Variants in LRRC27 observed in about 807,000 individuals in gnomAD.
LRRC27 encodes the protein leucine-rich repeat-containing protein 27.
A neutral mutation model predicts 55.0 loss-of-function variants in LRRC27; 57 were observed. The observed-to-expected ratio is 1.04, with a 90% CI of 0.84 to 1.29. LRRC27 has a LOEUF of 1.29. LRRC27 is among the 50% of genes most tolerant of loss of function. LRRC27 has a pLI of 0.00. For synonymous variants in LRRC27, 278 were observed against 251.9 expected, an observed-to-expected ratio of 1.10 and a Z score of -0.98; for missense variants, 721 against 651.5, an observed-to-expected ratio of 1.11 and a Z score of -1.16.
At chr10:132,342,541 C>A (rs2748395) in intron 4 of LRRC27, among the ~76,000 whole-genome samples, 1 of 152,134 alleles carries the variant, frequency 6.6e-6, no homozygotes, top group African/African-American at 2.4e-5. Flanking sequence ...CTGAAGGCCC[C>A]GCACACACCT....
chr10:132,351,518 C>T, intron 6 of LRRC27, 89 bp from the exon 7 acceptor site: 2 of 1,435,674 alleles, frequency 1.4e-6, no homozygotes, highest in Non-Finnish European at 1.9e-6. Context: ...GGATGATCCA[C>T]AGGCCCTCCT....
chr10:132,355,533 G>T (rs779272503), intron 7 of LRRC27, among the ~76,000 whole-genome samples: 15 of 152,188 alleles, frequency 9.9e-5, no homozygotes, highest in Non-Finnish European at 1.8e-4. Context: ...CACTGGGTCG[G>T]GTTGGCCCCC....
chr10:132,363,889 T>G (rs2068768550), intron 9 of LRRC27, among the ~76,000 whole-genome samples: 1 of 152,064 alleles, frequency 6.6e-6, no homozygotes, highest in Non-Finnish European at 1.5e-5. Context: ...AGGCTGACAG[T>G]GTTTAGGGAA....
intron 2 of LRRC27, chr10:132,335,052 A>G (rs922351873): frequency 6.6e-6 from 1 of 152,246 alleles, no homozygotes; most frequent in Non-Finnish European, 1.5e-5. Flanking sequence ...ACCTAATAGG[A>G]AAGATGGAAT....
intron 5 of LRRC27, chr10:132,344,875 T>C (rs1317608355): frequency 2.3e-6 from 1 of 432,068 alleles, no homozygotes; most frequent in African/African-American, 1.9e-5. Flanking sequence ...CTGGCTCAAG[T>C]GGATTTTGGT....
chr10:132,365,229 C>T (rs1590724988), intron 9 of LRRC27, among the ~76,000 whole-genome samples, 195 bp from the exon 10 acceptor site: 2 of 152,168 alleles, frequency 1.3e-5, no homozygotes, highest in East Asian at 3.9e-4. Flanking sequence ...GGCCCCCCGG[C>T]GTGAGTCTGG....
chr10:132,349,913 T>C (rs372357759), intron 6 of LRRC27, among the ~76,000 whole-genome samples: 8 of 152,168 alleles, frequency 5.3e-5, no homozygotes, highest in African/African-American at 1.9e-4. Flanking sequence ...TCACATGCAT[T>C]ATCAGGGCCT....
At position 132,354,435 on chromosome 10, in the gene LRRC27, G is replaced by A. The variant is rs535759176; in HGVS notation, c.1074-1355G>A. ...TAAGTGGAGGCCCTCGTCCAGGAGC[G>A]CAGCGGGGCCAGCACCACACATGGT... On this transcript the variant is annotated intron_variant, in intron 7 of 10. Transcript: ENST00000368614. Among the ~76,000 whole-genome samples the A allele has an allele frequency of 1.6e-3, 241 of 152,288 alleles. 1 individual carries two copies. Among genetic ancestry groups the A allele is most frequent in the Middle Eastern group, 3.4e-3 (1 of 294 alleles).
At chr10:132,352,684 A>C (rs74161790) in intron 7 of LRRC27, among the ~76,000 whole-genome samples, 1 of 115,120 alleles carries the variant, frequency 8.7e-6, no homozygotes, top group African/African-American at 3.5e-5. Flanking sequence ...TGAGGCCTCC[A>C]TGTGGGGCAG....
chr10:132,331,888 C>T (rs368172958), upstream of LRRC27: 6 of 1,059,226 alleles, frequency 5.7e-6, no homozygotes, highest in Non-Finnish European at 8.0e-6. Context: ...CGCACCACCC[C>T]CTGCCACCCC....
chr10:132,350,623 G>A (rs796353588), intron 6 of LRRC27: 62 of 152,720 alleles, frequency 4.1e-4, no homozygotes, highest in African/African-American at 1.4e-3. Flanking sequence ...AGCGTGGGGG[G>A]GCGGGCCAGC....
Position 132,374,979 on chromosome 10 carries a change from C to A in LRRC27, c.1417-87C>A. The A allele has an allele frequency of 1.4e-6, 2 of 1,391,314 alleles. No individual in the cohort carries two copies. The highest frequency in any genetic ancestry group is 2.0e-6 in the Non-Finnish European group (2 of 1,014,692). 86.2% of individuals were successfully genotyped at this position (1,391,314 alleles called of 1,614,324 possible). A position where few individuals can be genotyped will look rare whatever the true frequency, so the allele number is the denominator to read the frequency against. Reference sequence around the variant, plus strand: ...TCTGCTGACGCCCACATGGCCTGGGCCCCACGTGGAATCTGAGCCAGAGAC... The same window carrying A: ...TCTGCTGACGCCCACATGGCCTGGGACCCACGTGGAATCTGAGCCAGAGAC... On this transcript the variant is annotated intron_variant, in intron 10 of 10. Transcript: ENST00000368614. This position sits in a 1 kb window ranked among gnomAD's most constrained non-coding sequence, Gnocchi z 4.4.
In LRRC27 at chr10:132,337,622, C is replaced by T. The variant is rs1417198470; in HGVS notation, c.268C>T (p.Leu90Phe). 6 of 1,614,174 alleles carry T rather than the reference C, an allele frequency of 3.7e-6. No individual in the cohort carries two copies. The highest frequency in any genetic ancestry group is 5.1e-6 in the Non-Finnish European group (6 of 1,180,020). The change falls in exon 3 of 11, where the codon CTT becomes TTT. Residue 90 changes from leucine (L) to phenylalanine (F), a missense_variant. Leu to Phe is a conservative substitution (Grantham distance 22). Coordinates refer to ENST00000368614, the MANE Select transcript of LRRC27 (RefSeq NM_030626.3). ...GATTCCTCAAGATTTCTTTCAGTTGCTTCCGAACCTGACTTGGCTGGACCT... is the reference window on the plus strand; with the variant it reads ...GATTCCTCAAGATTTCTTTCAGTTGTTTCCGAACCTGACTTGGCTGGACCT... ...CVIPQDFFQL[L>F]PNLTWLDLRY...
chr10:132,336,615 C>G (rs143099985), intron 2 of LRRC27: 1 of 618,260 alleles, frequency 1.6e-6, no homozygotes, highest in Non-Finnish European at 2.9e-6. Flanking sequence ...AGCCAATCCA[C>G]GCACTGTTCT....
Position 132,361,508 on chromosome 10 carries a change from C to T in LRRC27, c.1222C>T (p.Pro408Ser), listed in dbSNP as rs763258413. 5.6e-6 allele frequency: 9 copies of T among 1,613,932 alleles called. No individual in the cohort carries two copies. In the South Asian group the frequency reaches 8.8e-5, roughly 16 times the overall value. The change falls in exon 9 of 11, where the codon CCA becomes TCA. Residue 408 changes from proline to serine, a missense_variant. Transcript: ENST00000368614. ...ATDLIDNRKVPLNPPGKMKPS... is the reference protein window; with the variant it reads ...ATDLIDNRKVSLNPPGKMKPS... The stretch of plus-strand genomic sequence containing the variant: ...AGATCTGATAGATAACAGGAAAGTA[C>T]CACTGAATCCGCCTGGAAAAATGAA...
At chr10:132,334,814 G>A (rs2067036807) in intron 2 of LRRC27, among the ~76,000 whole-genome samples, 1 of 152,210 alleles carries the variant, frequency 6.6e-6, no homozygotes, top group African/African-American at 2.4e-5. Context: ...TTACCTTTAT[G>A]CACAAAGGGA....
Position 132,337,661 on chromosome 10 carries a change from A to C in LRRC27, c.307A>C (p.Ile103Leu). 1 of 1,614,164 alleles carries C rather than the reference A, an allele frequency of 6.2e-7. No homozygotes were observed. The highest frequency in any genetic ancestry group is 1.1e-5 in the South Asian group (1 of 91,076). ...TTGGCTGGACCTCCGGTACAATAGA[A>C]TTAAAGCGCTTCCTTCTGGGATTGG... ...LTWLDLRYNR[I>L]KALPSGIGAH... The change falls in exon 3 of 11, where the codon ATT becomes CTT. Residue 103 changes from isoleucine (I) to leucine (L), a missense_variant. Physicochemically the swap from Ile to Leu is conservative, Grantham distance 5. Transcript: ENST00000368614.
intron 9 of LRRC27, 124 bp downstream of exon 9, chr10:132,361,699 C>T (rs2068622841): frequency 1.4e-6 from 1 of 729,372 alleles, no homozygotes; most frequent in South Asian, 1.6e-5. Flanking sequence ...TGGCGGGCCC[C>T]AGGCTGTGGC....
intron 2 of LRRC27, chr10:132,337,194 G>T: frequency 8.5e-7 from 1 of 1,173,422 alleles, no homozygotes; most frequent in Non-Finnish European, 1.1e-6. Context: ...TTCGGGGGCT[G>T]CCGAGGGCCA....
Sources: gnomAD v4.1 joint callset for allele counts (sites outside exome capture counted in the v4.1 genomes callset) on GRCh38, gnomAD v4.1.1 for gene constraint, Gnocchi (gnomAD v3.1) non-coding constraint, MANE v1.5 for transcripts, NCBI Gene and HGNC (gene_info 2026-07-23, HGNC 2026-07-21) for gene names.